CLASP1: variants seen among roughly 807,000 people sequenced by gnomAD.
The protein encoded by CLASP1 is CLIP-associating protein 1.
Under a neutral mutation model 192.3 loss-of-function variants are expected in CLASP1, and 38 were observed. The ratio of observed to expected loss-of-function variants is 0.20; its 90% confidence interval spans 0.15 to 0.26. The LOEUF is 0.26. CLASP1 is among the 10% of genes least tolerant of loss of function. The pLI, the probability that CLASP1 is intolerant of heterozygous loss-of-function variation, is 1.00. For missense variants in CLASP1, 1,433 were observed against 1,932.5 expected (o/e 0.74, Z 4.85); for synonymous variants, 691 against 712.8 (o/e 0.97, Z 0.49).
chr2:121,512,251 A>G (rs2094159492), intron 7 of CLASP1, among the ~76,000 whole-genome samples: 1 of 152,220 alleles, frequency 6.6e-6, no homozygotes, highest in South Asian at 2.1e-4. Flanking sequence ...ACACTCTGCA[A>G]ACTAAAATAT....
intron 37 of CLASP1, among the ~76,000 whole-genome samples, chr2:121,350,941 C>A (rs2064249138): frequency 6.6e-6 from 1 of 152,182 alleles, no homozygotes; most frequent in South Asian, 2.1e-4. Flanking sequence ...GCAGTTTTTA[C>A]CATTACAATA....
chr2:121,628,930 T>C (rs535354598), intron 1 of CLASP1, among the ~76,000 whole-genome samples: 22 of 151,250 alleles, frequency 1.5e-4, no homozygotes, highest in Non-Finnish European at 1.9e-4. Context: ...TATCAAGTTG[T>C]TCACTGCAGC....
chr2:121,549,943 T>C (rs908017707), intron 2 of CLASP1, among the ~76,000 whole-genome samples: 2 of 148,988 alleles, frequency 1.3e-5, no homozygotes, highest in African/African-American at 5.0e-5. Context: ...GAGGTGGAGC[T>C]TGCAGTGAGC....
In CLASP1 at chr2:121,525,842, C is replaced by T; in HGVS notation, c.546+3G>A. On this transcript the variant is annotated splice_donor_region_variant and intron_variant, in intron 6 of 39. Coordinates refer to ENST00000263710, the Ensembl canonical transcript of CLASP1. ...TCTCCCGAGGGTTTTCCTTCTCACT[C>T]ACCTGGCTGTTTGGATCTCCAAGTA... 6.2e-7 allele frequency: 1 copy of T among 1,609,050 alleles called. No individual in the cohort carries two copies. The highest frequency in any genetic ancestry group is 2.2e-5 in the East Asian group (1 of 44,858).
chr2:121,565,430 C>G (rs1252207612), intron 2 of CLASP1, among the ~76,000 whole-genome samples: 1 of 152,208 alleles, frequency 6.6e-6, no homozygotes, highest in Non-Finnish European at 1.5e-5. Context: ...ACTATCACAG[C>G]CCCATGCAGC....
intron 7 of CLASP1, among the ~76,000 whole-genome samples, chr2:121,508,581 A>G (rs1406370278): frequency 6.6e-6 from 1 of 152,054 alleles, no homozygotes; most frequent in African/African-American, 2.4e-5. Flanking sequence ...AACAAATAAG[A>G]CTCAACTTTA....
chr2:121,609,775 T>C (rs780671606), intron 1 of CLASP1, among the ~76,000 whole-genome samples: 6 of 151,992 alleles, frequency 3.9e-5, no homozygotes, highest in Non-Finnish European at 7.4e-5. Context: ...ACCCTGTCTC[T>C]ACTAAAAATA....
In CLASP1 at chr2:121,603,397, T is replaced by C. The variant is rs183273030; in HGVS notation, c.195+2304A>G. 3.1e-4 allele frequency among the ~76,000 whole-genome samples: 47 copies of C among 152,218 alleles called. No homozygotes were observed. In the East Asian group the frequency reaches 9.1e-3, roughly 29 times the overall value. ...AGGTATCAACTCACCCCTGTTAGGA[T>C]GGCTATTATCAAAAAGACAAAAAAT... On this transcript the variant is annotated intron_variant, in intron 2 of 39. Transcript: ENST00000263710.
intron 34 of CLASP1, among the ~76,000 whole-genome samples, chr2:121,372,017 T>C (rs1294625584): frequency 2.0e-5 from 3 of 152,252 alleles, no homozygotes; most frequent in Non-Finnish European, 4.4e-5. Flanking sequence ...TATTGCAGAC[T>C]GTAACTACGT....
At chr2:121,530,584 C>T (rs1184225930) in intron 2 of CLASP1, 3 of 532,816 alleles carry the variant, frequency 5.6e-6, no homozygotes, top group Non-Finnish European at 1.0e-5. Flanking sequence ...CCCGGGTTAG[C>T]TGCGGGTGGA....
intron 24 of CLASP1, chr2:121,409,019 G>T: frequency 6.4e-7 from 1 of 1,563,384 alleles, no homozygotes; most frequent in Non-Finnish European, 8.7e-7. Context: ...TTAAAGGACT[G>T]GTACCTTGCT....
intron 2 of CLASP1, among the ~76,000 whole-genome samples, chr2:121,557,988 G>A (rs1175283399): frequency 1.3e-5 from 2 of 148,678 alleles, no homozygotes; most frequent in African/African-American, 4.9e-5. Flanking sequence ...GGCTGAGGCA[G>A]AGAACTGCTT....
chr2:121,384,576 TAAAA>T (rs1012145456), intron 32 of CLASP1, among the ~76,000 whole-genome samples: 4 of 146,058 alleles, frequency 2.7e-5, no homozygotes, highest in Admixed American at 2.0e-4. Flanking sequence ...AATTTTGGAC[TAAAA>T]AAAAAAAGTT....
chr2:121,411,676 A>G (rs1205770720), intron 23 of CLASP1, among the ~76,000 whole-genome samples: 2 of 152,186 alleles, frequency 1.3e-5, no homozygotes, highest in Non-Finnish European at 2.9e-5. Flanking sequence ...AAAGAATCCA[A>G]AGAATTTAAA....
chr2:121,434,003 G>T (rs1464724645), intron 19 of CLASP1, among the ~76,000 whole-genome samples: 1 of 152,062 alleles, frequency 6.6e-6, no homozygotes, highest in East Asian at 1.9e-4. Context: ...GATACAACTT[G>T]TGTGCGAAAC....
chr2:121,424,789 A>T (rs967201600), intron 22 of CLASP1, among the ~76,000 whole-genome samples: 7 of 152,222 alleles, frequency 4.6e-5, no homozygotes, highest in Admixed American at 1.3e-4. Flanking sequence ...ATATAGGTTA[A>T]TGTCTACTTA....
chr2:121,375,238 G>A (rs1386933201), intron 34 of CLASP1, among the ~76,000 whole-genome samples: 1 of 152,066 alleles, frequency 6.6e-6, no homozygotes, highest in Non-Finnish European at 1.5e-5. Context: ...ATGTGAAGAT[G>A]TGCTTGCTTC....
intron 1 of CLASP1, among the ~76,000 whole-genome samples, chr2:121,641,332 T>TAAA (rs35155528): frequency 2.3e-5 from 3 of 130,780 alleles, no homozygotes; most frequent in African/African-American, 2.8e-5. Flanking sequence ...GGGAACCTGT[T>TAAA]AAAAAAAAAA....
intron 1 of CLASP1, among the ~76,000 whole-genome samples, chr2:121,619,433 G>A (rs2066969915): frequency 6.6e-6 from 1 of 152,016 alleles, no homozygotes; most frequent in African/African-American, 2.4e-5. Context: ...TGAAGTAAAT[G>A]ATAAGAAAAA....
Sources: gnomAD v4.1 joint callset for allele counts (sites outside exome capture counted in the v4.1 genomes callset) on GRCh38, gnomAD v4.1.1 for gene constraint, MANE v1.5 for transcripts, NCBI Gene and HGNC (gene_info 2026-07-23, HGNC 2026-07-21) for gene names.